The following SRP9 variants were observed in gnomAD, a reference collection of about 807,000 sequenced individuals.
The protein encoded by SRP9 is signal recognition particle 9 kDa protein.
Under a neutral mutation model 11.7 loss-of-function variants are expected in SRP9, and 2 were observed. The observed-to-expected ratio is 0.17, with a 90% CI of 0.07 to 0.54. SRP9 has a LOEUF of 0.54. Among genes scored for constraint, SRP9 ranks in the 20% least tolerant of loss-of-function variants. SRP9 has a pLI of 0.94. For synonymous variants in SRP9, 27 were observed against 35.6 expected, an observed-to-expected ratio of 0.76 and a Z score of 0.86; for missense variants, 54 against 108.1, an observed-to-expected ratio of 0.50 and a Z score of 2.22.
intron 2 of SRP9, among the ~76,000 whole-genome samples, chr1:225,787,841 C>T (rs931393545): frequency 2.0e-5 from 3 of 152,000 alleles, no homozygotes; most frequent in South Asian, 2.1e-4. Flanking sequence ...ACAAGATTGC[C>T]GCACAAATTT....
chr1:225,782,638 T>C (rs1235248770), intron 1 of SRP9, among the ~76,000 whole-genome samples: 1 of 152,254 alleles, frequency 6.6e-6, no homozygotes, highest in African/African-American at 2.4e-5. Context: ...TGGCAATCTG[T>C]AGAATATTGA....
intron 1 of SRP9, among the ~76,000 whole-genome samples, chr1:225,779,555 T>G (rs1283577206): frequency 6.6e-6 from 1 of 152,182 alleles, no homozygotes; most frequent in Admixed American, 6.5e-5. Flanking sequence ...CACATACAGT[T>G]TATAGTGCAT....
chr1:225,783,152 C>A, intron 1 of SRP9, 148 bp from the exon 2 acceptor site: 2 of 531,924 alleles, frequency 3.8e-6, no homozygotes, highest in Non-Finnish European at 3.3e-6. Flanking sequence ...TTTTTAACTT[C>A]ATTTCGGTTT....
At chr1:225,788,455 C>T (rs977678235) in intron 2 of SRP9, among the ~76,000 whole-genome samples, 2 of 145,828 alleles carry the variant, frequency 1.4e-5, no homozygotes, top group South Asian at 2.2e-4. Context: ...CTCACTCTGT[C>T]GCCCAGGCTG....
At position 225,786,792 on chromosome 1, in the gene SRP9, C is replaced by T. The variant is rs547613588; in HGVS notation, c.142-2448C>T. On this transcript the variant is annotated intron_variant, in intron 2 of 2. Coordinates refer to ENST00000304786, the MANE Select transcript of SRP9 (RefSeq NM_003133.6). ...AAAGTATCTAACATGAGTGCTTACC[C>T]TTGGTAGATTGAGTACATGTATTCT... 4 of 1,250,700 alleles carry T rather than the reference C, an allele frequency of 3.2e-6. No homozygotes were observed. The South Asian group carries it at 5.3e-5, about 16-fold the overall frequency. The allele number at this position is 1,250,700 out of a possible 1,614,324, so 77.5% of individuals were successfully genotyped here. A position where few individuals can be genotyped will look rare whatever the true frequency, so the allele number is the denominator to read the frequency against.
At chr1:225,789,062 G>A in intron 2 of SRP9, 178 bp from the exon 3 acceptor site, 1 of 1,551,022 alleles carries the variant, frequency 6.4e-7, no homozygotes, top group East Asian at 2.4e-5. Context: ...TGTACTTTAA[G>A]ACATGGAATT....
chr1:225,784,891 C>A (rs1341386232), intron 2 of SRP9, among the ~76,000 whole-genome samples: 1 of 152,008 alleles, frequency 6.6e-6, no homozygotes, highest in African/African-American at 2.4e-5. Flanking sequence ...TACCTTCCTA[C>A]CTTTAGTTGC....
At chr1:225,787,214 A>G (rs921836924) in intron 2 of SRP9, among the ~76,000 whole-genome samples, 1 of 152,134 alleles carries the variant, frequency 6.6e-6, no homozygotes, top group South Asian at 2.1e-4. Flanking sequence ...TACTTGCTGA[A>G]GAAAAACCCC....
intron 1 of SRP9, among the ~76,000 whole-genome samples, chr1:225,780,598 A>T (rs1277793301): frequency 6.6e-6 from 1 of 152,202 alleles, no homozygotes; most frequent in Non-Finnish European, 1.5e-5. Context: ...TAAATGAATG[A>T]TTTTATATCT....
intron 1 of SRP9, among the ~76,000 whole-genome samples, chr1:225,782,146 T>TTTTTA (rs1164012746): frequency 8.6e-5 from 13 of 152,040 alleles, no homozygotes; most frequent in East Asian, 1.9e-4. Flanking sequence ...TAAGTAGCAG[T>TTTTTA]TTTTATTTTA....
chr1:225,785,571 G>A (rs191842267), intron 2 of SRP9, among the ~76,000 whole-genome samples: 179 of 152,034 alleles, frequency 1.2e-3, no homozygotes, highest in Admixed American at 2.7e-3. Flanking sequence ...TAGTAGAGAC[G>A]GGGTTTCACC....
chr1:225,778,166 T>A (rs1305560594), intron 1 of SRP9, among the ~76,000 whole-genome samples, 154 bp downstream of exon 1: 1 of 152,238 alleles, frequency 6.6e-6, no homozygotes, highest in Non-Finnish European at 1.5e-5. Flanking sequence ...TCTCGTCCCC[T>A]TCTTCCCTGA....
chr1:225,788,904 A>G, intron 2 of SRP9: 1 of 1,195,758 alleles, frequency 8.4e-7, no homozygotes, highest in South Asian at 1.7e-5. Flanking sequence ...GAGATAATCT[A>G]ATACCTAATT....
intron 1 of SRP9, among the ~76,000 whole-genome samples, chr1:225,779,657 A>G (rs1665757300): frequency 6.6e-6 from 1 of 152,246 alleles, no homozygotes; most frequent in South Asian, 2.1e-4. Context: ...AACAAGCTGT[A>G]AAACATACTT....
At chr1:225,781,217 A>G (rs1432989328) in intron 1 of SRP9, among the ~76,000 whole-genome samples, 2 of 151,736 alleles carry the variant, frequency 1.3e-5, no homozygotes, top group Non-Finnish European at 1.5e-5. Flanking sequence ...TCTCTTTAGC[A>G]TTTTATCTGT....
intron 1 of SRP9, among the ~76,000 whole-genome samples, chr1:225,778,777 T>G (rs139775404): frequency 6.6e-6 from 1 of 152,250 alleles, no homozygotes; most frequent in Non-Finnish European, 1.5e-5. Context: ...TAAGAATTAT[T>G]TGAAGCATCT....
chr1:225,786,564 T>C (rs558978580), intron 2 of SRP9, among the ~76,000 whole-genome samples: 1 of 152,170 alleles, frequency 6.6e-6, no homozygotes, highest in Admixed American at 6.5e-5. Context: ...TAAGAACCAA[T>C]TGAATGTAGT....
At chr1:225,778,215 A>G (rs1386614185) in intron 1 of SRP9, among the ~76,000 whole-genome samples, 1 of 152,222 alleles carries the variant, frequency 6.6e-6, no homozygotes, top group African/African-American at 2.4e-5. Flanking sequence ...GGCAACAGCC[A>G]GGTTCATCTC....
Position 225,789,466 on chromosome 1 carries a change from G to C in SRP9, c.*107G>C. ...TTTATGTAACTAAGTGGGCTGTTCA[G>C]AAGCTTAGAGGTCATTTTTTGTAAT... On this transcript the variant is annotated 3_prime_UTR_variant, in exon 3 of 3. Coordinates refer to ENST00000304786, the MANE Select transcript of SRP9 (RefSeq NM_003133.6). The C allele has an allele frequency of 7.5e-7, 1 of 1,335,614 alleles. No individual in the cohort carries two copies. Among genetic ancestry groups the C allele is most frequent in the Non-Finnish European group, 1.0e-6 (1 of 984,042 alleles). 82.7% of individuals were successfully genotyped at this position (1,335,614 alleles called of 1,614,324 possible).
Sources: gnomAD v4.1 joint callset for allele counts (sites outside exome capture counted in the v4.1 genomes callset) on GRCh38, gnomAD v4.1.1 for gene constraint, MANE v1.5 for transcripts, NCBI Gene and HGNC (gene_info 2026-07-23, HGNC 2026-07-21) for gene names.